The following CEMIP variants were observed in gnomAD, a reference collection of about 807,000 sequenced individuals.
CEMIP encodes the protein cell migration-inducing and hyaluronan-binding protein.
Under a neutral mutation model 156.9 loss-of-function variants are expected in CEMIP, and 105 were observed. That is an observed-to-expected ratio of 0.67 (90% CI 0.57 to 0.79). The LOEUF is 0.79. Among genes scored for constraint, CEMIP ranks in the 30% least tolerant of loss-of-function variants. The pLI, the probability that CEMIP is intolerant of heterozygous loss-of-function variation, is 0.00. For missense variants in CEMIP, 1,457 were observed against 1,769.4 expected (o/e 0.82, Z 3.17); for synonymous variants, 676 against 668.4 (o/e 1.01, Z -0.17).
At chr15:80,854,251 G>A (rs1240268027) in intron 1 of CEMIP, among the ~76,000 whole-genome samples, 1 of 152,260 alleles carries the variant, frequency 6.6e-6, no homozygotes, top group Admixed American at 6.5e-5. Flanking sequence ...GCTGAACCTA[G>A]GCCAGCATCC....
At chr15:80,839,175 C>G (rs1395944960) in intron 1 of CEMIP, among the ~76,000 whole-genome samples, 3 of 152,090 alleles carry the variant, frequency 2.0e-5, no homozygotes, top group Admixed American at 2.0e-4. Context: ...CGCCCCTGCC[C>G]AGCGGCCTGA....
At chr15:80,779,787 T>C (rs1173860814) in intron 1 of CEMIP, among the ~76,000 whole-genome samples, 173 bp downstream of exon 1, 1 of 152,226 alleles carries the variant, frequency 6.6e-6, no homozygotes, top group Non-Finnish European at 1.5e-5. Flanking sequence ...TGTCTGTTTG[T>C]CCATGCGTCT....
chr15:80,819,457 A>C (rs1896861857), intron 1 of CEMIP, among the ~76,000 whole-genome samples: 1 of 152,196 alleles, frequency 6.6e-6, no homozygotes, highest in South Asian at 2.1e-4. Flanking sequence ...GGTGTGGTTC[A>C]GAAGTTGCTT....
chr15:80,915,493 C>T (rs1900235710), intron 14 of CEMIP, among the ~76,000 whole-genome samples: 1 of 152,186 alleles, frequency 6.6e-6, no homozygotes, highest in Non-Finnish European at 1.5e-5. Flanking sequence ...AAATATGAAA[C>T]CCAGACTCTT....
Position 80,939,148 on chromosome 15 carries a change from T to C in CEMIP, c.3407+1169T>C, listed in dbSNP as rs1299846375. 3.3e-5 allele frequency among the ~76,000 whole-genome samples: 5 copies of C among 152,190 alleles called. 1 individual carries two copies. The highest frequency in any genetic ancestry group is 3.8e-4 in the East Asian group (2 of 5,196). On this transcript the variant is annotated intron_variant, in intron 25 of 29. Coordinates refer to ENST00000394685, the MANE Select transcript of CEMIP (RefSeq NM_001293298.2). The stretch of plus-strand genomic sequence containing the variant: ...TACTGATGATAAAGCTGTTGGAGAA[T>C]AGAGCTTTCCAATATCATCCCCAAT...
chr15:80,942,533 C>T (rs1901383471), intron 27 of CEMIP, among the ~76,000 whole-genome samples, 196 bp downstream of exon 27: 2 of 152,156 alleles, frequency 1.3e-5, no homozygotes, highest in South Asian at 4.2e-4. Context: ...CCTGAGCATT[C>T]CTCAGCTTGC....
chr15:80,802,118 G>C (rs1896392053), intron 1 of CEMIP, among the ~76,000 whole-genome samples: 1 of 152,176 alleles, frequency 6.6e-6, no homozygotes, highest in Admixed American at 6.5e-5. Flanking sequence ...TTGTTTCTTT[G>C]AGTCCTAATT....
intron 21 of CEMIP, among the ~76,000 whole-genome samples, chr15:80,929,795 T>G (rs1182151180): frequency 6.6e-6 from 1 of 152,188 alleles, no homozygotes; most frequent in Non-Finnish European, 1.5e-5. Flanking sequence ...AACAACAGAA[T>G]AGCAGGACTG....
At chr15:80,783,874 C>G (rs915997767) in intron 1 of CEMIP, among the ~76,000 whole-genome samples, 4 of 152,176 alleles carry the variant, frequency 2.6e-5, no homozygotes, top group Non-Finnish European at 1.5e-5. Context: ...GCTTAGTTCC[C>G]TTGGTGTTAG....
chr15:80,920,970 T>C (rs1900449692), intron 15 of CEMIP, 62 bp from the exon 16 acceptor site: 7 of 1,369,118 alleles, frequency 5.1e-6, no homozygotes, highest in Non-Finnish European at 7.3e-6. Context: ...GCACCTGCCA[T>C]GTGGCAGGAT....
chr15:80,843,157 G>A (rs1033237706), intron 1 of CEMIP, among the ~76,000 whole-genome samples: 1 of 152,114 alleles, frequency 6.6e-6, no homozygotes, highest in African/African-American at 2.4e-5. Flanking sequence ...TAATCTCCAC[G>A]ATGGCCTTAT....
intron 8 of CEMIP, 48 bp downstream of exon 8, chr15:80,887,812 A>C: frequency 6.9e-7 from 1 of 1,448,892 alleles, no homozygotes; most frequent in African/African-American, 1.4e-5. Flanking sequence ...TGTCTCTCTG[A>C]TCAAGAGGTG....
intron 12 of CEMIP, 38 bp downstream of exon 12, chr15:80,896,098 T>C (rs1481503545): frequency 6.3e-7 from 1 of 1,598,200 alleles, no homozygotes; most frequent in Non-Finnish European, 8.6e-7. Flanking sequence ...ACTGGATGAA[T>C]CTGAAAATTG....
Position 80,909,183 on chromosome 15 carries a change from C to G in CEMIP, c.1674C>G (p.His558Gln), listed in dbSNP as rs1367344192. 1.2e-6 allele frequency: 2 copies of G among 1,614,186 alleles called. No homozygotes were observed. Among genetic ancestry groups the G allele is most frequent in the Non-Finnish European group, 1.7e-6 (2 of 1,180,024 alleles). ...AGCTGGTGGGTCAGTACCCGATTCA[C>G]TTCCACCTGGCCGGTGATGTAGACG... ...GQQLVGQYPI[H>Q]FHLAGDVDER... is the part of the protein sequence containing the mutation. The change falls in exon 14 of 30, where the codon CAC becomes CAG. Residue 558 changes from histidine (H) to glutamine (Q), a missense_variant. Transcript: ENST00000394685.
At chr15:80,897,529 G>A (rs1332727259) in intron 12 of CEMIP, among the ~76,000 whole-genome samples, 1 of 152,316 alleles carries the variant, frequency 6.6e-6, no homozygotes, top group Admixed American at 6.5e-5. Flanking sequence ...TTTGGAGGGA[G>A]ATGGTAATTT....
At chr15:80,908,329 C>T (rs989091758) in intron 13 of CEMIP, among the ~76,000 whole-genome samples, 2 of 152,272 alleles carry the variant, frequency 1.3e-5, no homozygotes, top group Admixed American at 1.3e-4. Context: ...TCTCCAGGGC[C>T]GCTACTACTG....
intron 19 of CEMIP, among the ~76,000 whole-genome samples, chr15:80,927,334 C>T (rs1359168420): frequency 1.3e-5 from 2 of 152,104 alleles, no homozygotes; most frequent in Non-Finnish European, 2.9e-5. Flanking sequence ...ATATGAGACA[C>T]CAATCTATGG....
At chr15:80,934,114 A>G (rs1273963999) in intron 23 of CEMIP, among the ~76,000 whole-genome samples, 2 of 152,228 alleles carry the variant, frequency 1.3e-5, no homozygotes, top group Non-Finnish European at 2.9e-5. Context: ...TACTGAAACA[A>G]TAACGTTGTG....
At chr15:80,843,216 G>T (rs1431552328) in intron 1 of CEMIP, among the ~76,000 whole-genome samples, 1 of 152,158 alleles carries the variant, frequency 6.6e-6, no homozygotes, top group Non-Finnish European at 1.5e-5. Context: ...CTATTTTAAG[G>T]GTAAGAAATA....
Sources: gnomAD v4.1 joint callset for allele counts (sites outside exome capture counted in the v4.1 genomes callset) on GRCh38, gnomAD v4.1.1 for gene constraint, MANE v1.5 for transcripts, NCBI Gene and HGNC (gene_info 2026-07-23, HGNC 2026-07-21) for gene names.